EXT1: variants seen among roughly 807,000 people sequenced by gnomAD.
EXT1 encodes the protein exostosin glycosyltransferase 1, also known as exostosin-1.
In EXT1, 20 loss-of-function variants were observed where a neutral mutation model predicts 82.5. The ratio of observed to expected loss-of-function variants is 0.24; its 90% CI spans 0.17 to 0.35. The LOEUF (loss-of-function observed/expected upper bound fraction) is 0.35. Among genes scored for constraint, EXT1 ranks in the 10% least tolerant of loss-of-function variants. EXT1 has a pLI of 1.00. For synonymous variants in EXT1, 348 were observed against 350.8 expected (o/e 0.99, Z 0.09); for missense variants, 757 against 936.5 (o/e 0.81, Z 2.50).
intron 1 of EXT1, among the ~76,000 whole-genome samples, chr8:118,037,825 G>C (rs1586356928): frequency 6.7e-6 from 1 of 148,974 alleles, no homozygotes; most frequent in Non-Finnish European, 1.5e-5. Flanking sequence ...GTATCAACAA[G>C]AGTGTTTTTT....
intron 8 of EXT1, among the ~76,000 whole-genome samples, chr8:117,809,375 G>A (rs934289412): frequency 2.6e-5 from 4 of 151,410 alleles, no homozygotes; most frequent in South Asian, 2.1e-4. Flanking sequence ...AGTGTCTCAC[G>A]CCTATAATCC....
intron 1 of EXT1, among the ~76,000 whole-genome samples, chr8:117,961,774 T>C (rs1222746772): frequency 2.0e-5 from 3 of 152,184 alleles, no homozygotes; most frequent in Non-Finnish European, 2.9e-5. Flanking sequence ...GCTTACAACA[T>C]GCACACAGAA....
At chr8:117,923,327 A>C (rs957780771) in intron 1 of EXT1, among the ~76,000 whole-genome samples, 1 of 151,850 alleles carries the variant, frequency 6.6e-6, no homozygotes, top group Non-Finnish European at 1.5e-5. Context: ...AAAAACACAA[A>C]AAGAAGGAAG....
At chr8:117,992,463 A>G (rs1159306639) in intron 1 of EXT1, among the ~76,000 whole-genome samples, 3 of 149,102 alleles carry the variant, frequency 2.0e-5, no homozygotes, top group African/African-American at 7.4e-5. Context: ...AAAAAAAAAA[A>G]TGTTCAAGCA....
intron 1 of EXT1, among the ~76,000 whole-genome samples, chr8:117,878,584 T>C (rs1813008774): frequency 6.6e-6 from 1 of 152,158 alleles, no homozygotes; most frequent in African/African-American, 2.4e-5. Flanking sequence ...GGCCAAGTTG[T>C]TTGTGATTCA....
At chr8:118,001,146 G>C (rs1333437508) in intron 1 of EXT1, among the ~76,000 whole-genome samples, 1 of 152,062 alleles carries the variant, frequency 6.6e-6, no homozygotes, top group Non-Finnish European at 1.5e-5. Context: ...ATCTTATTTG[G>C]TGATTTTCTC....
chr8:118,094,165 T>C (rs998732982), intron 1 of EXT1, among the ~76,000 whole-genome samples: 4 of 152,254 alleles, frequency 2.6e-5, no homozygotes, highest in South Asian at 2.1e-4. Flanking sequence ...ACAAGACCTC[T>C]GTGACTGCTC....
At chr8:117,864,975 A>C (rs1383051181) in intron 1 of EXT1, among the ~76,000 whole-genome samples, 1 of 152,284 alleles carries the variant, frequency 6.6e-6, no homozygotes, top group East Asian at 1.9e-4. Flanking sequence ...AATAGAGTTC[A>C]TAACACTAGT....
chr8:117,945,705 G>A (rs977992916), intron 1 of EXT1, among the ~76,000 whole-genome samples: 1 of 152,070 alleles, frequency 6.6e-6, no homozygotes, highest in African/African-American at 2.4e-5. Flanking sequence ...GTTTCACCAT[G>A]TTGGTGAGGC....
At chr8:117,833,720 T>C (rs1049764593) in intron 3 of EXT1, among the ~76,000 whole-genome samples, 5 of 152,156 alleles carry the variant, frequency 3.3e-5, no homozygotes, top group African/African-American at 4.8e-5. Context: ...CATGGGAGCA[T>C]TGGTATATAA....
chr8:117,965,880 T>C (rs1432564852), intron 1 of EXT1, among the ~76,000 whole-genome samples: 2 of 152,148 alleles, frequency 1.3e-5, no homozygotes, highest in African/African-American at 4.8e-5. Context: ...TTCCCCACCA[T>C]GAACAAAGGG....
intron 1 of EXT1, among the ~76,000 whole-genome samples, chr8:118,097,333 G>A (rs971634286): frequency 6.6e-6 from 1 of 152,156 alleles, no homozygotes; most frequent in Non-Finnish European, 1.5e-5. Flanking sequence ...TGTAATTCCA[G>A]CTACTCGGGA....
rs535960853 is a variant in EXT1 at position 118,028,025 on chromosome 8, A to G, written c.962+82060T>C. On this transcript the variant is annotated intron_variant, in intron 1 of 10. Coordinates refer to ENST00000378204, the MANE Select transcript of EXT1 (RefSeq NM_000127.3). ...ACAGTGGGAATTAATGGTTGCCAAA[A>G]TGAGTTTTCACCTACAAGTAAAAGT... 3.9e-5 allele frequency among the ~76,000 whole-genome samples: 6 copies of G among 152,350 alleles called. No individual in the cohort carries two copies. In the South Asian group the frequency reaches 1.2e-3, roughly 32 times the overall value.
intron 1 of EXT1, among the ~76,000 whole-genome samples, chr8:117,897,486 T>C (rs1158551927): frequency 1.3e-5 from 2 of 152,186 alleles, no homozygotes; most frequent in African/African-American, 4.8e-5. Flanking sequence ...AAAGGTCATA[T>C]TGGCTAAGGA....
At chr8:117,905,544 G>A (rs1329353909) in intron 1 of EXT1, among the ~76,000 whole-genome samples, 1 of 152,148 alleles carries the variant, frequency 6.6e-6, no homozygotes, top group Non-Finnish European at 1.5e-5. Flanking sequence ...CAGGCGTGGT[G>A]GCTCACGCCT....
intron 1 of EXT1, among the ~76,000 whole-genome samples, chr8:118,015,167 C>T (rs758388383): frequency 1.8e-4 from 28 of 152,324 alleles, no homozygotes; most frequent in Middle Eastern, 3.4e-3. Context: ...TGCCAGTAAA[C>T]AGTCTTTAAA....
At chr8:117,935,751 T>G (rs953545666) in intron 1 of EXT1, among the ~76,000 whole-genome samples, 1 of 152,184 alleles carries the variant, frequency 6.6e-6, no homozygotes, top group Non-Finnish European at 1.5e-5. Flanking sequence ...TGTAAAATTA[T>G]TATTTTTATT....
chr8:118,105,513 T>C (rs1817790997), intron 1 of EXT1, among the ~76,000 whole-genome samples: 1 of 152,134 alleles, frequency 6.6e-6, no homozygotes, highest in African/African-American at 2.4e-5. Context: ...ACTCAGGGAT[T>C]CCTTGTGATT....
chr8:118,060,178 C>G (rs978716168), intron 1 of EXT1, among the ~76,000 whole-genome samples: 4 of 152,154 alleles, frequency 2.6e-5, no homozygotes, highest in Non-Finnish European at 5.9e-5. Flanking sequence ...ATGTTCTTAC[C>G]CCCCAAAAAT....
Sources: gnomAD v4.1 joint callset for allele counts (sites outside exome capture counted in the v4.1 genomes callset) on GRCh38, gnomAD v4.1.1 for gene constraint, MANE v1.5 for transcripts, NCBI Gene and HGNC (gene_info 2026-07-23, HGNC 2026-07-21) for gene names.